Variants in TTC33 observed in about 807,000 individuals in gnomAD.
TTC33 encodes tetratricopeptide repeat protein 33.
TTC33 carries 24 observed loss-of-function variants against 29.4 expected under a neutral mutation model. The observed-to-expected ratio is 0.82, with a 90% CI of 0.59 to 1.15. The LOEUF is 1.15. Ranked by LOEUF, TTC33 falls within the 50% of genes most tolerant of loss-of-function variation. The pLI is 0.00. For synonymous variants in TTC33, 107 were observed against 100.3 expected (o/e 1.07, Z -0.40); for missense variants, 286 against 310.4 (o/e 0.92, Z 0.59).
rs1260098187 is a variant in TTC33, at chr5:40,712,270, T to C, written c.*3875A>G. Among the ~76,000 whole-genome samples the C allele has an allele frequency of 2.0e-5, 3 of 152,030 alleles. No homozygotes were observed. The highest frequency in any genetic ancestry group is 7.2e-5 in the African/African-American group (3 of 41,420). On this transcript the variant is annotated 3_prime_UTR_variant, in exon 5 of 5. Coordinates refer to ENST00000337702, the MANE Select transcript of TTC33 (RefSeq NM_012382.3). ...TCAATTTCAATAGAATTTCCATTAT[T>C]TAAAAAAAACCTCTAAAATTAGGAA...
chr5:40,753,241 G>A (rs934696677), intron 1 of TTC33, among the ~76,000 whole-genome samples: 2 of 152,102 alleles, frequency 1.3e-5, no homozygotes, highest in Admixed American at 6.5e-5. Flanking sequence ...GCACATGCCT[G>A]TAATCCCAGC....
chr5:40,753,139 C>G (rs866848079), intron 1 of TTC33, among the ~76,000 whole-genome samples: 1 of 151,844 alleles, frequency 6.6e-6, no homozygotes, highest in Non-Finnish European at 1.5e-5. Context: ...CAGAGGCAGG[C>G]GGATCACCTG....
chr5:40,738,567 T>TAAAATAAAATAAAATAAAATATAAA (rs1286758071), intron 2 of TTC33, among the ~76,000 whole-genome samples: 5 of 67,594 alleles, frequency 7.4e-5, no homozygotes, highest in East Asian at 4.6e-4. Flanking sequence ...TAAAATAAAA[T>TAAAATAAAATAAAATAAAATATAAA]ATAAAATAAA....
chr5:40,742,854 G>A (rs1742722167), intron 2 of TTC33, among the ~76,000 whole-genome samples: 3 of 152,184 alleles, frequency 2.0e-5, no homozygotes, highest in South Asian at 2.1e-4. Flanking sequence ...GTTTTTAAAC[G>A]TATATTCTAT....
chr5:40,728,461 G>C lies in TTC33; in HGVS notation c.319C>G (p.His107Asp), dbSNP rs1227222708. ...GCATGTACTGCTGGGAACATTTCATGAAGAGACATTAGCACCTATAGGCAA... is the reference window on the plus strand; with the variant it reads ...GCATGTACTGCTGGGAACATTTCATCAAGAGACATTAGCACCTATAGGCAA... The part of the protein sequence containing the change: ...EMKSQVLMSL[H>D]EMFPAVHAAE... Residue 107 changes from histidine (H) to aspartate (D), a missense_variant, in exon 4 of 5, where the codon CAT becomes GAT. Coordinates refer to ENST00000337702, the MANE Select transcript of TTC33 (RefSeq NM_012382.3). The C allele has an allele frequency of 6.2e-7, 1 of 1,610,558 alleles. No homozygotes were observed. The highest frequency in any genetic ancestry group is 8.5e-7 in the Non-Finnish European group (1 of 1,179,028).
At chr5:40,716,592 T>C (rs1742005366) in intron 4 of TTC33, 94 bp from the exon 5 acceptor site, 1 of 788,842 alleles carries the variant, frequency 1.3e-6, no homozygotes. Flanking sequence ...ACTGTACACA[T>C]ACACATCCTA....
At chr5:40,725,378 A>C (rs1193685273) in intron 4 of TTC33, among the ~76,000 whole-genome samples, 1 of 152,220 alleles carries the variant, frequency 6.6e-6, no homozygotes, top group Non-Finnish European at 1.5e-5. Context: ...CAAAAGCGAA[A>C]CAATAAAAAG....
chr5:40,729,923 TTCTGACCTCAAGTGA>T (rs374702148), intron 3 of TTC33, among the ~76,000 whole-genome samples: 99 of 152,300 alleles, frequency 6.5e-4, no homozygotes, highest in African/African-American at 2.3e-3. Flanking sequence ...GGTCTCGAAC[TTCTGACCTCAAGTGA>T]TCCACCCACC....
intron 4 of TTC33, among the ~76,000 whole-genome samples, chr5:40,724,036 A>T (rs977048516): frequency 2.0e-5 from 3 of 152,240 alleles, no homozygotes; most frequent in Non-Finnish European, 4.4e-5. Context: ...CTGGATATTT[A>T]TCCAAAAGAA....
chr5:40,753,042 T>G (rs1231149806), intron 1 of TTC33, among the ~76,000 whole-genome samples: 1 of 152,084 alleles, frequency 6.6e-6, no homozygotes, highest in East Asian at 1.9e-4. Flanking sequence ...TTAATGAATA[T>G]GAGAGAGTGC....
intron 1 of TTC33, among the ~76,000 whole-genome samples, chr5:40,749,681 G>C (rs59978673): frequency 0.015 from 2,284 of 152,330 alleles, 58 homozygotes; most frequent in African/African-American, 0.051. Context: ...CTGCAATAAA[G>C]TGAATAATAC....
intron 2 of TTC33, among the ~76,000 whole-genome samples, chr5:40,743,481 A>C (rs1340295537): frequency 6.6e-5 from 10 of 152,102 alleles, no homozygotes; most frequent in Non-Finnish European, 1.5e-5. Context: ...TAGCCTCTTA[A>C]ATATTTTTTT....
chr5:40,733,028 A>G (rs560477316), intron 2 of TTC33, among the ~76,000 whole-genome samples: 3 of 151,722 alleles, frequency 2.0e-5, no homozygotes, highest in East Asian at 3.9e-4. Flanking sequence ...AACACACAGG[A>G]AAAAAAAATG....
intron 1 of TTC33, among the ~76,000 whole-genome samples, chr5:40,753,074 A>G (rs1742924412): frequency 6.6e-6 from 1 of 152,148 alleles, no homozygotes; most frequent in African/African-American, 2.4e-5. Flanking sequence ...AGCAATCAAG[A>G]AATATACAGG....
intron 2 of TTC33, among the ~76,000 whole-genome samples, chr5:40,732,118 T>C (rs1579680179): frequency 6.6e-6 from 1 of 152,182 alleles, no homozygotes; most frequent in East Asian, 1.9e-4. Flanking sequence ...CTCAAGGGCC[T>C]CCCACCTCAG....
chr5:40,739,618 CT>C (rs1269090648), intron 2 of TTC33, among the ~76,000 whole-genome samples: 3 of 152,292 alleles, frequency 2.0e-5, no homozygotes, highest in Admixed American at 2.0e-4. Context: ...GTGCTGGCTC[CT>C]ACCTTTGCCT....
intron 4 of TTC33, among the ~76,000 whole-genome samples, chr5:40,721,450 CA>C (rs1340326656): frequency 1.3e-5 from 2 of 152,070 alleles, no homozygotes; most frequent in Non-Finnish European, 2.9e-5. Context: ...CAAATAAATC[CA>C]CACCCAACAT....
intron 1 of TTC33, among the ~76,000 whole-genome samples, chr5:40,751,975 A>G (rs1330388207): frequency 2.0e-5 from 3 of 152,084 alleles, no homozygotes; most frequent in Non-Finnish European, 4.4e-5. Context: ...AAAAAAAAAA[A>G]AAAGAAAATC....
At chr5:40,746,721 A>T in intron 2 of TTC33, 77 bp downstream of exon 2, 1 of 1,047,410 alleles carries the variant, frequency 9.5e-7, no homozygotes, top group Non-Finnish European at 1.4e-6. Context: ...TCAAATTCAT[A>T]ACTCTTCATC....
Sources: allele counts gnomAD v4.1 joint callset (sites outside exome capture counted in the v4.1 genomes callset), GRCh38; gene constraint gnomAD v4.1.1; transcripts MANE v1.5; gene names NCBI Gene and HGNC (gene_info 2026-07-23, HGNC 2026-07-21).